NUP153: variants seen among roughly 807,000 people sequenced by gnomAD.
NUP153 encodes nuclear pore complex protein Nup153.
NUP153 carries 27 observed loss-of-function variants against 134.6 expected under a neutral mutation model. The ratio of observed to expected loss-of-function variants is 0.20; its 90% CI spans 0.15 to 0.28. The LOEUF is 0.28. NUP153 is among the 10% of genes least tolerant of loss of function. The pLI is 1.00. For missense variants in NUP153, 1,821 were observed against 1,731.3 expected (o/e 1.05, Z -0.92); for synonymous variants, 640 against 623.5 (o/e 1.03, Z -0.40).
Position 17,688,568 on chromosome 6 carries a change from C to A in NUP153, c.162G>T (p.Trp54Cys). 6.2e-7 allele frequency: 1 copy of A among 1,613,978 alleles called. No homozygotes were observed. Among genetic ancestry groups the A allele is most frequent in the Non-Finnish European group, 8.5e-7 (1 of 1,179,912 alleles). Residue 54 changes from tryptophan (W) to cysteine (C), a missense_variant, in exon 2 of 22, where the codon TGG becomes TGT. Transcript: ENST00000262077. ...CATTCTTGTTGAAGTATCTTTGTAG[C>A]CACCCTGGCACAATATTCTTAACAG... is the stretch of plus-strand genomic sequence containing the variant. Reference protein sequence around the residue: ...TESVKNIVPGWLQRYFNKNED... With the variant: ...TESVKNIVPGCLQRYFNKNED...
intron 2 of NUP153, among the ~76,000 whole-genome samples, chr6:17,686,145 C>G (rs1768908183): frequency 9.2e-6 from 1 of 109,030 alleles, no homozygotes; most frequent in South Asian, 4.0e-4. Flanking sequence ...GAGATCTTGT[C>G]TTTAAAAAAA....
chr6:17,616,704 G>A lies in NUP153; in HGVS notation c.4175-9C>T. The A allele has an allele frequency of 1.2e-6, 2 of 1,606,082 alleles. No homozygotes were observed. Among genetic ancestry groups the A allele is most frequent in the Non-Finnish European group, 1.7e-6 (2 of 1,175,076 alleles). ...AAACTGGAAAGCCGAACCTGCAATA[G>A]TTAAAGCAGAAATACTTCATTAGGG... is the stretch of plus-strand genomic sequence containing the variant. On this transcript the variant is annotated splice_polypyrimidine_tract_variant and intron_variant, in intron 20 of 21. Transcript: ENST00000262077.
At chr6:17,669,720 C>T (rs1348553117) in intron 5 of NUP153, among the ~76,000 whole-genome samples, 174 bp from the exon 6 acceptor site, 1 of 152,046 alleles carries the variant, frequency 6.6e-6, no homozygotes, top group Non-Finnish European at 1.5e-5. Flanking sequence ...TTCTTTATGC[C>T]TTTACTGGAA....
chr6:17,692,257 C>CA (rs1023499963), intron 1 of NUP153, among the ~76,000 whole-genome samples: 3 of 152,204 alleles, frequency 2.0e-5, no homozygotes, highest in African/African-American at 7.2e-5. Context: ...ATTTAACCAA[C>CA]TTAACTAGTC....
intron 18 of NUP153, among the ~76,000 whole-genome samples, chr6:17,626,948 T>C (rs924830490): frequency 2.6e-5 from 4 of 152,248 alleles, no homozygotes; most frequent in Non-Finnish European, 5.9e-5. Context: ...GCTGCTTTTA[T>C]AAAATACAAG....
At chr6:17,665,547 C>A (rs1419129359) in intron 8 of NUP153, among the ~76,000 whole-genome samples, 162 bp from the exon 9 acceptor site, 1 of 152,004 alleles carries the variant, frequency 6.6e-6, no homozygotes, top group African/African-American at 2.4e-5. Context: ...AATAATGGAA[C>A]CTAAGGTATG....
At chr6:17,678,076 C>A (rs1022056127) in intron 2 of NUP153, among the ~76,000 whole-genome samples, 10 of 152,034 alleles carry the variant, frequency 6.6e-5, no homozygotes, top group African/African-American at 2.4e-4. Context: ...TGATTCTGGG[C>A]TGGGCACAGT....
At chr6:17,682,664 A>G (rs1768659829) in intron 2 of NUP153, among the ~76,000 whole-genome samples, 1 of 152,126 alleles carries the variant, frequency 6.6e-6, no homozygotes, top group South Asian at 2.1e-4. Context: ...CACACCTGTA[A>G]GCCCAGCACT....
chr6:17,702,625 G>C (rs563114806), intron 1 of NUP153, among the ~76,000 whole-genome samples: 1 of 151,698 alleles, frequency 6.6e-6, no homozygotes, highest in African/African-American at 2.4e-5. Flanking sequence ...GCACTGAGCC[G>C]AGATTGCACC....
chr6:17,698,046 T>TA (rs1488689376), intron 1 of NUP153, among the ~76,000 whole-genome samples: 2 of 152,242 alleles, frequency 1.3e-5, no homozygotes, highest in Admixed American at 1.3e-4. Context: ...GTTCAGATTA[T>TA]AAAATCTCCT....
At chr6:17,699,388 C>A (rs940151746) in intron 1 of NUP153, among the ~76,000 whole-genome samples, 1 of 148,058 alleles carries the variant, frequency 6.8e-6, no homozygotes, top group East Asian at 2.0e-4. Flanking sequence ...GAGGCTGAGG[C>A]AGGAGAATTG....
chr6:17,632,899 T>C, intron 16 of NUP153, 55 bp from the exon 17 acceptor site: 1 of 1,374,262 alleles, frequency 7.3e-7, no homozygotes, highest in Non-Finnish European at 9.8e-7. Context: ...AAATTTTAAT[T>C]TACAGTATGT....
At position 17,685,463 on chromosome 6, in the gene NUP153, G is replaced by A. The variant is rs1022499853; in HGVS notation, c.334+2933C>T. On this transcript the variant is annotated intron_variant, in intron 2 of 21. Transcript: ENST00000262077. ...ACTTGGGAGGCTGAGGCAGGAGAAT[G>A]GTGTGAACCCAGGAGGCGGAGCTTG... 4.2e-4 allele frequency among the ~76,000 whole-genome samples: 64 copies of A among 151,686 alleles called. 1 individual carries two copies. Among genetic ancestry groups the A allele is most frequent in the African/African-American group, 1.4e-3 (59 of 41,342 alleles).
At chr6:17,666,430 G>A (rs1327072712) in intron 8 of NUP153, among the ~76,000 whole-genome samples, 4 of 152,058 alleles carry the variant, frequency 2.6e-5, no homozygotes, top group East Asian at 3.9e-4. Flanking sequence ...CAGGAGAATC[G>A]TTTGAACCCG....
At chr6:17,646,936 T>TC (rs1766225109) in intron 13 of NUP153, among the ~76,000 whole-genome samples, 1 of 150,254 alleles carries the variant, frequency 6.7e-6, no homozygotes, top group Admixed American at 6.6e-5. Flanking sequence ...TTTTTTTTTT[T>TC]AGTAGAGACG....
intron 20 of NUP153, among the ~76,000 whole-genome samples, chr6:17,623,849 T>C (rs1764777320): frequency 6.6e-6 from 1 of 152,084 alleles, no homozygotes; most frequent in Non-Finnish European, 1.5e-5. Context: ...ATAAATGCAG[T>C]AATAAAACCC....
chr6:17,669,605 G>T, intron 5 of NUP153, 59 bp from the exon 6 acceptor site: 1 of 1,141,080 alleles, frequency 8.8e-7, no homozygotes, highest in Non-Finnish European at 1.3e-6. Flanking sequence ...CATATTTCAT[G>T]CAGTGAAAAT....
At chr6:17,658,711 A>G (rs1766988957) in intron 11 of NUP153, among the ~76,000 whole-genome samples, 1 of 152,212 alleles carries the variant, frequency 6.6e-6, no homozygotes, top group Admixed American at 6.5e-5. Context: ...GTGAAAATTT[A>G]AAAAATTGTT....
rs751868977 is a variant in NUP153, at chr6:17,637,769, A to G, written c.1848T>C (p.Gly616=). 6.3e-7 allele frequency: 1 copy of G among 1,594,264 alleles called. No individual in the cohort carries two copies. Among genetic ancestry groups the G allele is most frequent in the Admixed American group, 1.7e-5 (1 of 59,154 alleles). ...CAGAATCTATCTTCGGCGATGCGAA[A>G]CCTACAATGAACGAAGGAGAGAGTG... The part of the protein sequence containing the change: ...GSVLDILKSP[G]FASPKIDSVA... The change falls in exon 16 of 22, where the codon GGT becomes GGC. Residue 616 remains glycine, a splice_region_variant and synonymous_variant. Transcript: ENST00000262077.
Sources: allele counts gnomAD v4.1 joint callset (sites outside exome capture counted in the v4.1 genomes callset), GRCh38; gene constraint gnomAD v4.1.1; transcripts MANE v1.5; gene names NCBI Gene and HGNC (gene_info 2026-07-23, HGNC 2026-07-21).